The following ERAP1 variants were observed in gnomAD, a reference collection of about 807,000 sequenced individuals.
The protein encoded by ERAP1 is endoplasmic reticulum aminopeptidase 1.
Under a neutral mutation model 103.7 loss-of-function variants are expected in ERAP1, and 86 were observed. The ratio of observed to expected loss-of-function variants is 0.83; its 90% CI spans 0.70 to 0.99. The LOEUF (loss-of-function observed/expected upper bound fraction) is 0.99, where lower values mean the gene tolerates loss of function less well. Ranked by LOEUF, ERAP1 falls within the 50% of genes least tolerant of loss-of-function variation. The pLI is 0.00. For synonymous variants in ERAP1, 398 were observed against 402.4 expected, an observed-to-expected ratio of 0.99 and a Z score of 0.13; for missense variants, 1,009 against 1,128.4, an observed-to-expected ratio of 0.89 and a Z score of 1.52.
chr5:96,901,669 C>T, the ERAP1 span: 1 of 1,613,680 alleles, frequency 6.2e-7, no homozygotes, highest in African/African-American at 1.3e-5. Flanking sequence ...GAATGGAGGG[C>T]CCTGCAGGAG....
chr5:96,806,961 T>TTTTTG (rs151195031), intron 1 of ERAP1, among the ~76,000 whole-genome samples: 9,431 of 95,534 alleles, frequency 0.099, 310 homozygotes, highest in South Asian at 0.16. Flanking sequence ...ATTTTCAAGT[T>TTTTTG]TTTTGTTTTG....
intron 11 of ERAP1, among the ~76,000 whole-genome samples, chr5:96,788,262 C>G (rs1043016055): frequency 6.6e-6 from 1 of 151,938 alleles, no homozygotes; most frequent in Non-Finnish European, 1.5e-5. Flanking sequence ...AAGCCAGTAA[C>G]CAGAAATTAC....
intron 3 of ERAP1, among the ~76,000 whole-genome samples, chr5:96,798,092 G>A (rs142227741): frequency 0.016 from 2,456 of 152,216 alleles, 70 homozygotes; most frequent in Admixed American, 0.073. Context: ...TTGGGAGGCC[G>A]AGGCGGGTGG....
At chr5:96,811,577 A>T (rs1284448730), upstream of ERAP1, among the ~76,000 whole-genome samples, 1 of 152,210 alleles carries the variant, frequency 6.6e-6, no homozygotes, top group African/African-American at 2.4e-5. Flanking sequence ...TCCTGTCCTT[A>T]GACCTTCCAT....
chr5:96,926,460 C>T, the ERAP1 span, among the ~76,000 whole-genome samples: 1 of 152,206 alleles, frequency 6.6e-6, no homozygotes, highest in Non-Finnish European at 1.5e-5. Context: ...GCAGACACTT[C>T]CCATTCTTGC....
At chr5:96,760,983 C>T (rs1217177572) in exon 20 of ERAP1, 1 of 151,778 alleles carries the variant, frequency 6.6e-6, no homozygotes, top group Non-Finnish European at 1.5e-5. Context: ...ATATGTTATA[C>T]AGTAATAATA....
chr5:96,762,378 C>T, exon 20 of ERAP1: 1 of 1,573,476 alleles, frequency 6.4e-7, no homozygotes, highest in South Asian at 1.2e-5. Flanking sequence ...CCTCGGTAAG[C>T]AGCACATCTT....
intron 10 of ERAP1, 64 bp from the exon 11 acceptor site, chr5:96,788,749 C>T: frequency 6.3e-7 from 1 of 1,581,158 alleles, no homozygotes; most frequent in Non-Finnish European, 8.6e-7. Context: ...AAAGAGAGAA[C>T]ACCAGCTTAT....
the ERAP1 span, among the ~76,000 whole-genome samples, chr5:96,922,299 A>C: frequency 3.3e-5 from 5 of 152,212 alleles, no homozygotes; most frequent in African/African-American, 1.2e-4. Flanking sequence ...CTCCGTCTCA[A>C]AAAAACAAAA....
the ERAP1 span, among the ~76,000 whole-genome samples, chr5:96,929,877 G>C: frequency 6.6e-6 from 1 of 152,004 alleles, no homozygotes; most frequent in Non-Finnish European, 1.5e-5. Flanking sequence ...GTGCCTTAGG[G>C]CACTTATTTA....
the ERAP1 span, among the ~76,000 whole-genome samples, chr5:96,899,374 A>G: frequency 6.6e-6 from 1 of 152,226 alleles, no homozygotes; most frequent in African/African-American, 2.4e-5. Flanking sequence ...AAAATAATAA[A>G]TTACTGAAAA....
At chr5:96,928,828 G>A in the ERAP1 span, among the ~76,000 whole-genome samples, 2 of 152,204 alleles carry the variant, frequency 1.3e-5, no homozygotes, top group African/African-American at 2.4e-5. Flanking sequence ...AGGCAATCTC[G>A]CAATAGATAG....
the ERAP1 span, among the ~76,000 whole-genome samples, chr5:96,814,798 A>G: frequency 6.6e-6 from 1 of 152,226 alleles, no homozygotes; most frequent in South Asian, 2.1e-4. Context: ...CAGTCTAGAG[A>G]AAATAGTATA....
the ERAP1 span, among the ~76,000 whole-genome samples, chr5:96,916,693 C>T: frequency 1.3e-5 from 2 of 151,454 alleles, no homozygotes; most frequent in Non-Finnish European, 1.5e-5. Flanking sequence ...TGGTCTCGAT[C>T]TCCTGACCTC....
At chr5:96,816,301 G>T in the ERAP1 span, among the ~76,000 whole-genome samples, 1 of 152,186 alleles carries the variant, frequency 6.6e-6, no homozygotes, top group Non-Finnish European at 1.5e-5. Context: ...TAAAATATGG[G>T]TATGTACTGG....
intron 2 of ERAP1, among the ~76,000 whole-genome samples, chr5:96,801,457 C>T (rs548372819): frequency 7.1e-5 from 8 of 113,050 alleles, no homozygotes; most frequent in Admixed American, 4.7e-4. Context: ...GACCCTGTCT[C>T]GGGAAGAAAA....
At chr5:96,909,782 T>C in the ERAP1 span, 2 of 1,609,464 alleles carry the variant, frequency 1.2e-6, no homozygotes, top group Non-Finnish European at 8.5e-7. Flanking sequence ...TAGACTTCTG[T>C]CCTACCCTTT....
At chr5:96,814,423 T>A in the ERAP1 span, 1 of 425,698 alleles carries the variant, frequency 2.3e-6, no homozygotes, top group Non-Finnish European at 4.7e-6. Context: ...ATATTTCTAC[T>A]ATTATAATCT....
chr5:96,814,571 C>T, the ERAP1 span, among the ~76,000 whole-genome samples: 2 of 152,046 alleles, frequency 1.3e-5, no homozygotes, highest in African/African-American at 4.8e-5. Context: ...CTTCATTGAG[C>T]TGAAAATAGG....
Sources: gnomAD v4.1 joint callset for allele counts (sites outside exome capture counted in the v4.1 genomes callset) on GRCh38, gnomAD v4.1.1 for gene constraint, MANE v1.5 for transcripts, NCBI Gene and HGNC (gene_info 2026-07-23, HGNC 2026-07-21) for gene names.